MEF2C: variants seen among roughly 807,000 people sequenced by gnomAD.
The protein encoded by MEF2C is myocyte-specific enhancer factor 2C.
A neutral mutation model predicts 50.5 loss-of-function variants in MEF2C; 6 were observed. That is an observed-to-expected ratio of 0.12 (90% CI 0.07 to 0.23). MEF2C has a LOEUF of 0.23. Among genes scored for constraint, MEF2C ranks in the 10% least tolerant of loss-of-function variants. The pLI is 1.00. For missense variants in MEF2C, 276 were observed against 605.0 expected (o/e 0.46, Z 5.70); for synonymous variants, 183 against 228.0 (o/e 0.80, Z 1.78).
chr5:88,873,282 C>T (rs777454750), intron 1 of MEF2C, among the ~76,000 whole-genome samples: 5 of 151,996 alleles, frequency 3.3e-5, no homozygotes, highest in East Asian at 1.9e-4. Context: ...GATCAGTGTC[C>T]GCAGTTGTTT....
At position 88,801,919 on chromosome 5, in the gene MEF2C, C is replaced by T. The variant is rs562296032; in HGVS notation, c.258+2679G>A. 2.0e-5 allele frequency among the ~76,000 whole-genome samples: 3 copies of T among 152,314 alleles called. No individual in the cohort carries two copies. The East Asian group carries it at 5.8e-4, about 29-fold the overall frequency. ...TGAAGATGATGTAAATTTTATCAAG[C>T]TTAGCGGTCCCATCTTACTTCTTTT... On this transcript the variant is annotated intron_variant, in intron 3 of 10. Transcript: ENST00000504921.
chr5:88,780,634 A>T (rs1359687399), intron 3 of MEF2C: 1 of 446,408 alleles, frequency 2.2e-6, no homozygotes, highest in South Asian at 9.5e-5. Flanking sequence ...CAGGGCAAAG[A>T]TACTTAAGTT....
chr5:88,864,624 A>C (rs1826656708), intron 1 of MEF2C, among the ~76,000 whole-genome samples: 1 of 151,934 alleles, frequency 6.6e-6, no homozygotes, highest in Non-Finnish European at 1.5e-5. Flanking sequence ...ACCAGGCCTT[A>C]CTCTGTCACC....
chr5:88,826,224 A>T (rs1379526333), intron 1 of MEF2C, among the ~76,000 whole-genome samples: 3 of 152,030 alleles, frequency 2.0e-5, no homozygotes, highest in Non-Finnish European at 4.4e-5. Context: ...GAATGTGTGT[A>T]TGTATCTATG....
chr5:88,898,138 A>C (rs1266665088), intron 1 of MEF2C, among the ~76,000 whole-genome samples: 4 of 152,064 alleles, frequency 2.6e-5, no homozygotes, highest in Non-Finnish European at 2.9e-5. Context: ...AATGTTCACA[A>C]ATTTTGTGGA....
At position 88,731,810 on chromosome 5, in the gene MEF2C, T is replaced by C. The variant is rs762612459; in HGVS notation, c.729A>G (p.Pro243=). The C allele has an allele frequency of 1.2e-6, 2 of 1,613,350 alleles. No homozygotes were observed. The highest frequency in any genetic ancestry group is 2.7e-5 in the African/African-American group (2 of 75,002). The stretch of plus-strand genomic sequence containing the variant: ...TACGGTTATTCATTCCTAAATTCAT[T>C]GGGGGAGGAGATTTTGCTTGCATAT... ...NKNMQAKSPP[P]MNLGMNNRKP... Residue 243 remains proline, a synonymous_variant, in exon 7 of 11, where the codon CCA becomes CCG. Coordinates refer to ENST00000504921, the MANE Select transcript of MEF2C (RefSeq NM_002397.5).
At position 88,734,565 on chromosome 5, in the gene MEF2C, G is replaced by GTTTGTTTTT. The variant is rs1763130990; in HGVS notation, c.638-2665_638-2664insAAAAACAAA. The GTTTGTTTTT allele has an allele frequency of 4.1e-4, 222 of 541,728 alleles. 1 individual carries two copies. The highest frequency in any genetic ancestry group is 1.2e-3 in the Middle Eastern group (1 of 854). 33.6% of individuals were successfully genotyped at this position (541,728 alleles called of 1,614,324 possible). On this transcript the variant is annotated intron_variant, in intron 6 of 10. Transcript: ENST00000504921. ...TTCACGGAGGCCTTGAGAAAAGTTT[G>GTTTGTTTTT]TTTTTTTTTTTTTTTTTTTTTTTTT...
chr5:88,749,839 G>GCT, intron 5 of MEF2C, among the ~76,000 whole-genome samples: 1 of 152,188 alleles, frequency 6.6e-6, no homozygotes, highest in Admixed American at 6.5e-5. Context: ...GACCATCCTG[G>GCT]CTAACACGGT....
chr5:88,775,832 A>G lies in MEF2C; in HGVS notation c.259-14504T>C, dbSNP rs1158830226. On this transcript the variant is annotated intron_variant, in intron 3 of 10. Coordinates refer to ENST00000504921, the MANE Select transcript of MEF2C (RefSeq NM_002397.5). ...AACTGAAAAATGGAAGGGTATAGAG[A>G]GTATTTTTGTGTGTGTGATTTATAT... 1.5e-5 allele frequency: 15 copies of G among 983,516 alleles called. No homozygotes were observed. In the Admixed American group the frequency reaches 9.2e-4, roughly 60 times the overall value. The allele number at this position is 983,516 out of a possible 1,614,324, so 60.9% of individuals were successfully genotyped here.
Position 88,847,288 on chromosome 5 carries a change from T to G in MEF2C, c.-142-23358A>C, listed in dbSNP as rs566813703. Among the ~76,000 whole-genome samples, 13 of 152,290 alleles carry G rather than the reference T, an allele frequency of 8.5e-5. No homozygotes were observed. The East Asian group carries it at 1.5e-3, about 18-fold the overall frequency. The stretch of plus-strand genomic sequence containing the variant: ...TATTTAAATAGAATAAATCACACCC[T>G]GAAAGAATAAATGATATTCTAGTAT... On this transcript the variant is annotated intron_variant, in intron 1 of 10. Coordinates refer to ENST00000504921, the MANE Select transcript of MEF2C (RefSeq NM_002397.5).
At chr5:88,792,592 A>G (rs186639687) in intron 3 of MEF2C, among the ~76,000 whole-genome samples, 2 of 152,292 alleles carry the variant, frequency 1.3e-5, no homozygotes. Flanking sequence ...TGTCTCATAG[A>G]GCTTTCTGTG....
intron 1 of MEF2C, chr5:88,844,546 CTTGG>C (rs1258419415): frequency 1.2e-5 from 5 of 406,034 alleles, no homozygotes; most frequent in African/African-American, 1.1e-4. Context: ...TTTGTTTCTG[CTTGG>C]TTTTTTGTTA....
chr5:88,805,818 ACATT>A (rs1800151875), intron 2 of MEF2C, among the ~76,000 whole-genome samples: 1 of 141,638 alleles, frequency 7.1e-6, no homozygotes, highest in African/African-American at 2.6e-5. Flanking sequence ...AAAGGCGTGA[ACATT>A]CTTTTTTTTT....
chr5:88,808,347 CA>C (rs1192597397), intron 2 of MEF2C, among the ~76,000 whole-genome samples: 1 of 152,144 alleles, frequency 6.6e-6, no homozygotes, highest in African/African-American at 2.4e-5. Flanking sequence ...TGGAATGTCT[CA>C]ATACAGTATG....
intron 1 of MEF2C, among the ~76,000 whole-genome samples, chr5:88,824,524 G>C (rs1390774844): frequency 6.6e-6 from 1 of 151,728 alleles, no homozygotes; most frequent in African/African-American, 2.4e-5. Flanking sequence ...AAATAATATG[G>C]AATATTTAAT....
At chr5:88,897,964 A>G (rs1835283492) in intron 1 of MEF2C, among the ~76,000 whole-genome samples, 1 of 152,150 alleles carries the variant, frequency 6.6e-6, no homozygotes, top group African/African-American at 2.4e-5. Flanking sequence ...ACTTAGCTGC[A>G]ATCTCAGGAA....
chr5:88,729,100 G>T, intron 9 of MEF2C, 118 bp downstream of exon 9: 1 of 1,108,244 alleles, frequency 9.0e-7, no homozygotes, highest in Non-Finnish European at 1.3e-6. Flanking sequence ...ATGCTGCAGT[G>T]CTGTGGACGG....
At chr5:88,819,840 G>A (rs1446336782) in intron 2 of MEF2C, among the ~76,000 whole-genome samples, 2 of 151,928 alleles carry the variant, frequency 1.3e-5, no homozygotes, top group Non-Finnish European at 2.9e-5. Context: ...CTAGGGCAGA[G>A]CTGAGTAGTT....
At chr5:88,883,315 G>T, upstream of MEF2C, 1 of 152,776 alleles carries the variant, frequency 6.5e-6, no homozygotes, top group South Asian at 1.9e-4. Context: ...GGAGGAGGAG[G>T]AGGAAGAAGG....
Sources: allele counts gnomAD v4.1 joint callset (sites outside exome capture counted in the v4.1 genomes callset), GRCh38; gene constraint gnomAD v4.1.1; transcripts MANE v1.5; gene names NCBI Gene and HGNC (gene_info 2026-07-23, HGNC 2026-07-21).